The following ADAMTS6 variants were observed in gnomAD, a reference collection of about 807,000 sequenced individuals.
The protein encoded by ADAMTS6 is A disintegrin and metalloproteinase with thrombospondin motifs 6.
A neutral mutation model predicts 144.3 loss-of-function variants in ADAMTS6; 23 were observed. The observed-to-expected ratio is 0.16, with a 90% CI of 0.11 to 0.23. ADAMTS6 has a LOEUF of 0.23. Ranked by LOEUF, ADAMTS6 falls within the 10% of genes least tolerant of loss-of-function variation. The pLI is 1.00. For synonymous variants in ADAMTS6, 444 were observed against 457.5 expected (o/e 0.97, Z 0.38); for missense variants, 999 against 1,379.6 (o/e 0.72, Z 4.37).
At chr5:65,416,328 A>G (rs1755504563) in intron 7 of ADAMTS6, 1 of 152,750 alleles carries the variant, frequency 6.5e-6, no homozygotes, top group African/African-American at 2.4e-5. Flanking sequence ...TGGAACACTT[A>G]GACACTGAAG....
chr5:65,217,373 C>CTT (rs77812978), intron 18 of ADAMTS6, among the ~76,000 whole-genome samples: 3 of 143,608 alleles, frequency 2.1e-5, no homozygotes, highest in East Asian at 2.0e-4. Context: ...CTCTCACTTC[C>CTT]TTTTTTTTTT....
chr5:65,195,551 T>G (rs747616883), intron 21 of ADAMTS6, among the ~76,000 whole-genome samples: 2 of 152,208 alleles, frequency 1.3e-5, no homozygotes, highest in African/African-American at 4.8e-5. Context: ...CTTTAAATAA[T>G]GGAAGTTCAA....
At chr5:65,158,127 C>T (rs1054085399) in intron 24 of ADAMTS6, among the ~76,000 whole-genome samples, 6 of 152,130 alleles carry the variant, frequency 3.9e-5, no homozygotes, top group East Asian at 1.9e-4. Flanking sequence ...AAGTGAATTA[C>T]GAACTCTTTG....
chr5:65,456,138 C>T (rs929692538), intron 4 of ADAMTS6, among the ~76,000 whole-genome samples: 1 of 151,838 alleles, frequency 6.6e-6, no homozygotes, highest in Non-Finnish European at 1.5e-5. Context: ...CATTATAAAA[C>T]TATACATTCT....
chr5:65,466,583 T>C (rs2150275735), intron 3 of ADAMTS6, among the ~76,000 whole-genome samples: 1 of 152,328 alleles, frequency 6.6e-6, no homozygotes, highest in South Asian at 2.1e-4. Flanking sequence ...ATATGGAAGG[T>C]ACTTATAAGT....
At chr5:65,369,042 T>C (rs1750576016) in intron 7 of ADAMTS6, among the ~76,000 whole-genome samples, 1 of 151,762 alleles carries the variant, frequency 6.6e-6, no homozygotes, top group African/African-American at 2.4e-5. Context: ...GGTGACAGAG[T>C]GAGACTGTCT....
chr5:65,325,071 T>A (rs556264061), intron 9 of ADAMTS6, among the ~76,000 whole-genome samples: 1 of 152,190 alleles, frequency 6.6e-6, no homozygotes, highest in African/African-American at 2.4e-5. Context: ...TCCACTTAAA[T>A]GAAACTATAG....
At chr5:65,208,194 T>A (rs997258761) in intron 20 of ADAMTS6, among the ~76,000 whole-genome samples, 1 of 152,202 alleles carries the variant, frequency 6.6e-6, no homozygotes, top group Non-Finnish European at 1.5e-5. Flanking sequence ...GGTACTTGCA[T>A]CTGAATGTTA....
At chr5:65,398,818 AAG>A (rs1416921991) in intron 7 of ADAMTS6, among the ~76,000 whole-genome samples, 1 of 137,532 alleles carries the variant, frequency 7.3e-6, no homozygotes, top group Non-Finnish European at 1.5e-5. Context: ...GAAAGAAAGA[AAG>A]AAAGAAAGAA....
At chr5:65,448,392 C>T (rs1758445411) in intron 7 of ADAMTS6, among the ~76,000 whole-genome samples, 1 of 151,766 alleles carries the variant, frequency 6.6e-6, no homozygotes, top group Non-Finnish European at 1.5e-5. Flanking sequence ...CGGTTTTCTG[C>T]ATAAACCTTT....
At chr5:65,447,592 C>T (rs1758370736) in intron 7 of ADAMTS6, among the ~76,000 whole-genome samples, 2 of 151,982 alleles carry the variant, frequency 1.3e-5, no homozygotes, top group Non-Finnish European at 2.9e-5. Context: ...AAAAATTCTG[C>T]TTCTAGAGTG....
chr5:65,462,493 T>A (rs911312907), intron 3 of ADAMTS6, among the ~76,000 whole-genome samples: 1 of 152,220 alleles, frequency 6.6e-6, no homozygotes, highest in African/African-American at 2.4e-5. Context: ...TAACATTATC[T>A]CTTCTTAATA....
chr5:65,343,358 T>C (rs1217225820), intron 7 of ADAMTS6, among the ~76,000 whole-genome samples: 1 of 151,926 alleles, frequency 6.6e-6, no homozygotes, highest in Non-Finnish European at 1.5e-5. Flanking sequence ...TATAGACCAA[T>C]AGAACAGAAC....
chr5:65,235,723 A>G (rs1449061140), intron 15 of ADAMTS6, among the ~76,000 whole-genome samples: 1 of 152,150 alleles, frequency 6.6e-6, no homozygotes, highest in Non-Finnish European at 1.5e-5. Flanking sequence ...CAGCCTGTAG[A>G]TGGCCTATTG....
chr5:65,185,362 T>A lies in ADAMTS6; in HGVS notation c.2910+2654A>T, dbSNP rs746614385. Among the ~76,000 whole-genome samples the A allele has an allele frequency of 9.2e-5, 14 of 152,298 alleles. No individual in the cohort carries two copies. The East Asian group carries it at 2.7e-3, about 29-fold the overall frequency. On this transcript the variant is annotated intron_variant, in intron 22 of 24. Transcript: ENST00000381055. ...GAGTAACAGTATGGGGCAAAAACCA[T>A]TTTTCCTCTTGAACAAGGGATGATG... is the stretch of plus-strand genomic sequence containing the variant.
rs201226871 is a variant in ADAMTS6 at position 65,224,979 on chromosome 5, G to A, written c.2136C>T (p.Asp712=). The A allele has an allele frequency of 1.3e-4, 206 of 1,613,986 alleles. No homozygotes were observed. Among genetic ancestry groups the A allele is most frequent in the Non-Finnish European group, 1.6e-4 (193 of 1,179,978 alleles). ...REDRCRVCGG[D]GSTCDAIEGF... ...CTTCAATGGCATCACATGTGCTTCC[G>A]TCCCCTCCACAGACTCGACATCTAT... The change falls in exon 17 of 25, where the codon GAC becomes GAT. Residue 712 remains aspartate, a synonymous_variant. Transcript: ENST00000381055.
chr5:65,422,950 A>G (rs1756196984), intron 7 of ADAMTS6, among the ~76,000 whole-genome samples: 1 of 152,210 alleles, frequency 6.6e-6, no homozygotes, highest in Non-Finnish European at 1.5e-5. Flanking sequence ...ATATATACAC[A>G]TACACACACA....
intron 20 of ADAMTS6, among the ~76,000 whole-genome samples, chr5:65,204,343 A>G (rs1755937462): frequency 6.6e-6 from 1 of 152,230 alleles, no homozygotes; most frequent in Non-Finnish European, 1.5e-5. Context: ...TAGCTTCCAG[A>G]AGTGTGAACC....
intron 23 of ADAMTS6, 116 bp downstream of exon 23, chr5:65,172,716 C>T: frequency 8.1e-7 from 1 of 1,236,920 alleles, no homozygotes; most frequent in Non-Finnish European, 1.1e-6. Context: ...CATACTTAGA[C>T]TTCTACGTGT....
Sources: allele counts gnomAD v4.1 joint callset (sites outside exome capture counted in the v4.1 genomes callset), GRCh38; gene constraint gnomAD v4.1.1; transcripts MANE v1.5; gene names NCBI Gene and HGNC (gene_info 2026-07-23, HGNC 2026-07-21).